Variants in VGLL4 observed in about 807,000 individuals in gnomAD.
VGLL4 encodes vestigial like family member 4, also known as transcription cofactor vestigial-like protein 4.
VGLL4 carries 7 observed loss-of-function variants against 21.0 expected under a neutral mutation model. That is an observed-to-expected ratio of 0.33 (90% confidence interval 0.19 to 0.63). The LOEUF is 0.63. Among genes scored for constraint, VGLL4 ranks in the 20% least tolerant of loss-of-function variants. The probability of loss-of-function intolerance (pLI) is 0.78; values close to 1 mark genes in which losing one functional copy is unlikely to be tolerated. For missense variants in VGLL4, 394 were observed against 425.7 expected, an observed-to-expected ratio of 0.93 and a Z score of 0.66; for synonymous variants, 222 against 173.2, an observed-to-expected ratio of 1.28 and a Z score of -2.21.
rs978545970 is a variant in VGLL4, at chr3:11,582,434, GTTGCGAGGTAAGGGGCCTGC to G, written c.273-17435_273-17416del. 7 of 1,479,032 alleles carry G rather than the reference GTTGCGAGGTAAGGGGCCTGC, an allele frequency of 4.7e-6. No homozygotes were observed. In the African/African-American group the frequency reaches 8.4e-5, roughly 18 times the overall value. The allele number at this position is 1,479,032 out of a possible 1,614,324, so 91.6% of individuals were successfully genotyped here. On this transcript the variant is annotated intron_variant, in intron 2 of 4. Transcript: ENST00000430365. Reference sequence around the variant, plus strand: ...AATAAAAGTCCTCCCTGAAAGGAGGGTTGCGAGGTAAGGGGCCTGCTTGCCCCCTGCACTGCAATAAAAGT... The same window carrying G: ...AATAAAAGTCCTCCCTGAAAGGAGGGTTGCCCCCTGCACTGCAATAAAAGT...
chr3:11,705,173 G>A (rs1048376899), intron 1 of VGLL4, among the ~76,000 whole-genome samples: 1 of 152,236 alleles, frequency 6.6e-6, no homozygotes, highest in Non-Finnish European at 1.5e-5. Flanking sequence ...AAGCGGCTTA[G>A]TCATCCATGC....
chr3:11,591,408 C>T (rs1478182467), intron 2 of VGLL4, among the ~76,000 whole-genome samples: 3 of 152,228 alleles, frequency 2.0e-5, no homozygotes, highest in East Asian at 3.9e-4. Context: ...TCTCTGACTC[C>T]TGTCCCCCCT....
chr3:11,717,589 T>A (rs912927083), intron 1 of VGLL4, among the ~76,000 whole-genome samples: 3 of 148,946 alleles, frequency 2.0e-5, no homozygotes, highest in African/African-American at 5.0e-5. Context: ...GATCCTCTTA[T>A]CTCAGCCTCC....
chr3:11,623,977 A>C (rs531852614), intron 1 of VGLL4, among the ~76,000 whole-genome samples: 12 of 152,158 alleles, frequency 7.9e-5, no homozygotes, highest in South Asian at 2.1e-4. Context: ...CCTGGGCTCA[A>C]GTGATCCTCC....
chr3:11,711,507 C>G (rs2076845468), intron 1 of VGLL4, among the ~76,000 whole-genome samples: 1 of 150,824 alleles, frequency 6.6e-6, no homozygotes, highest in South Asian at 2.1e-4. Flanking sequence ...GCAGAGCTTG[C>G]AGTGAGCCGA....
intron 2 of VGLL4, among the ~76,000 whole-genome samples, chr3:11,572,839 G>C (rs117053039): frequency 1.3e-5 from 2 of 151,910 alleles, no homozygotes; most frequent in Non-Finnish European, 2.9e-5. Flanking sequence ...TTTATGGACC[G>C]GCGCCTGGGC....
chr3:11,718,623 G>A (rs1357584382), intron 1 of VGLL4, among the ~76,000 whole-genome samples: 3 of 151,414 alleles, frequency 2.0e-5, no homozygotes, highest in African/African-American at 7.3e-5. Flanking sequence ...TTTTGTCTTT[G>A]ACTATTTAGA....
chr3:11,617,916 C>G (rs575990781), intron 1 of VGLL4, among the ~76,000 whole-genome samples: 2 of 152,274 alleles, frequency 1.3e-5, no homozygotes, highest in East Asian at 3.9e-4. Context: ...CATTTTTATT[C>G]TTGAAGAAAA....
intron 2 of VGLL4, among the ~76,000 whole-genome samples, chr3:11,683,593 G>A (rs757057507): frequency 7.2e-5 from 11 of 152,150 alleles, no homozygotes; most frequent in Non-Finnish European, 1.2e-4. Context: ...GAGGTCAAAA[G>A]TTCGAGACCA....
intron 2 of VGLL4, among the ~76,000 whole-genome samples, chr3:11,571,519 AC>A (rs1230493275): frequency 6.6e-6 from 1 of 151,966 alleles, no homozygotes; most frequent in Non-Finnish European, 1.5e-5. Context: ...CCCCGTCTCT[AC>A]AAAAAATACA....
intron 2 of VGLL4, among the ~76,000 whole-genome samples, chr3:11,585,021 TAAG>T (rs976474535): frequency 1.2e-4 from 19 of 152,222 alleles, no homozygotes; most frequent in African/African-American, 4.3e-4. Context: ...ACTGCTCCAT[TAAG>T]GAGTTATTAA....
chr3:11,647,690 C>A (rs2075813078), upstream of VGLL4, among the ~76,000 whole-genome samples: 1 of 152,132 alleles, frequency 6.6e-6, no homozygotes, highest in Admixed American at 6.5e-5. Context: ...GTGCTTCTTT[C>A]CTAGCCTAGA....
At chr3:11,666,896 C>T (rs943330235) in intron 2 of VGLL4, among the ~76,000 whole-genome samples, 2 of 152,188 alleles carry the variant, frequency 1.3e-5, no homozygotes, top group South Asian at 4.1e-4. Context: ...TGTGCATGCG[C>T]TCTCCTATCT....
At chr3:11,582,173 C>A in intron 2 of VGLL4, 1 of 1,278,736 alleles carries the variant, frequency 7.8e-7, no homozygotes, top group Non-Finnish European at 1.1e-6. Context: ...TCTACCTCTC[C>A]CAGCACTTGC....
intron 2 of VGLL4, among the ~76,000 whole-genome samples, chr3:11,597,055 G>T (rs1234057790): frequency 1.3e-5 from 2 of 152,084 alleles, no homozygotes; most frequent in Admixed American, 1.3e-4. Context: ...GGAAATAATG[G>T]AGGTTATGAC....
rs186668163 is a variant in VGLL4, at chr3:11,630,772, C to T, written c.82+12665G>A. On this transcript the variant is annotated intron_variant, in intron 1 of 4. Transcript: ENST00000430365. ...TTGTGCAGTTGCTTAAAAAGTTAAA[C>T]GTACCCAATAATCCGGCAATTCTAC... 4.7e-4 allele frequency among the ~76,000 whole-genome samples: 72 copies of T among 152,288 alleles called. 1 individual carries two copies. Among genetic ancestry groups the T allele is most frequent in the African/African-American group, 1.7e-3 (69 of 41,562 alleles).
At chr3:11,660,982 G>A (rs7650685) in intron 2 of VGLL4, among the ~76,000 whole-genome samples, 95,726 of 151,956 alleles carry the variant, frequency 0.63, 30,308 homozygotes, top group Non-Finnish European at 0.68. Flanking sequence ...GCATTTCAGT[G>A]TCATCAGGGT....
rs750870490 is a variant in VGLL4 at position 11,564,850 on chromosome 3, C to T, written c.442G>A (p.Ala148Thr). The T allele has an allele frequency of 6.9e-6, 11 of 1,604,774 alleles. No individual in the cohort carries two copies. The highest frequency in any genetic ancestry group is 4.5e-5 in the East Asian group (2 of 44,620). ...GGCGAGAGGCCGGCTGGCCTGCTGGCGTCCAGGCTGTTCTTGGTCAGTGCG... is the reference window on the plus strand; with the variant it reads ...GGCGAGAGGCCGGCTGGCCTGCTGGTGTCCAGGCTGTTCTTGGTCAGTGCG... ...PLALTKNSLD[A>T]SRPAGLSPTL... Residue 148 changes from alanine to threonine, a missense_variant, in exon 3 of 5, where the codon GCC becomes ACC. Ala to Thr is a moderately conservative substitution (Grantham distance 58). Coordinates refer to ENST00000430365, the MANE Select transcript of VGLL4 (RefSeq NM_001128219.3).
chr3:11,613,569 G>A (rs1290203678), intron 1 of VGLL4, among the ~76,000 whole-genome samples: 3 of 152,128 alleles, frequency 2.0e-5, no homozygotes, highest in Non-Finnish European at 2.9e-5. Context: ...TGGGAGGCAC[G>A]GAGCAGCTCA....
Sources: allele counts gnomAD v4.1 joint callset (sites outside exome capture counted in the v4.1 genomes callset), GRCh38; gene constraint gnomAD v4.1.1; transcripts MANE v1.5; gene names NCBI Gene and HGNC (gene_info 2026-07-23, HGNC 2026-07-21).